NKD1: variants seen among roughly 807,000 people sequenced by gnomAD.
NKD1 encodes the protein protein naked cuticle homolog 1.
NKD1 carries 21 observed loss-of-function variants against 56.0 expected under a neutral mutation model. The observed-to-expected ratio is 0.38, with a 90% CI of 0.27 to 0.54. The LOEUF is 0.54. Among genes scored for constraint, NKD1 ranks in the 20% least tolerant of loss-of-function variants. The probability of loss-of-function intolerance (pLI) is 0.82; values close to 1 mark genes in which losing one functional copy is unlikely to be tolerated. For synonymous variants in NKD1, 263 were observed against 265.7 expected, an observed-to-expected ratio of 0.99 and a Z score of 0.10; for missense variants, 578 against 642.7, an observed-to-expected ratio of 0.90 and a Z score of 1.09.
chr16:50,630,105 C>T (rs1176349435), intron 6 of NKD1, 81 bp from the exon 7 acceptor site: 10 of 1,335,840 alleles, frequency 7.5e-6, no homozygotes, highest in East Asian at 2.3e-5. Context: ...AGGCCTGCAG[C>T]GTCCACCAGG....
In NKD1 at chr16:50,638,717, G is replaced by A. The variant is rs1440255528; in HGVS notation, c.*4936G>A. On this transcript the variant is annotated 3_prime_UTR_variant, in exon 10 of 10. Transcript: ENST00000268459. ...CCCCCAAATGATTTTCCTGATTTAT[G>A]TATTTCCCTACAAAGGGCTTTCTAT... The A allele has an allele frequency of 6.6e-6, 1 of 152,128 alleles. No homozygotes were observed. Among genetic ancestry groups the A allele is most frequent in the Non-Finnish European group, 1.5e-5 (1 of 68,024 alleles). 9.4% of individuals were successfully genotyped at this position (152,128 alleles called of 1,614,324 possible). A position where few individuals can be genotyped will look rare whatever the true frequency, so the allele number is the denominator to read the frequency against.
Position 50,549,475 on chromosome 16 carries a change from A to C in NKD1, c.112A>C (p.Ile38Leu). ...AWARKGIEEW[I>L]GRQRCPGGVS... is the part of the protein sequence containing the mutation. ...GGCTCGGAAGGGCATCGAGGAGTGGATCGGGAGACAGCGCTGCCCGGGCGG... is the reference window on the plus strand; with the variant it reads ...GGCTCGGAAGGGCATCGAGGAGTGGCTCGGGAGACAGCGCTGCCCGGGCGG... The change falls in exon 3 of 10, where the codon ATC (isoleucine) becomes CTC (leucine). Residue 38 changes from isoleucine (I) to leucine (L), a missense_variant. Coordinates refer to ENST00000268459, the MANE Select transcript of NKD1 (RefSeq NM_033119.5). 6.2e-7 allele frequency: 1 copy of C among 1,610,550 alleles called. No homozygotes were observed. The highest frequency in any genetic ancestry group is 8.5e-7 in the Non-Finnish European group (1 of 1,178,646).
At chr16:50,568,524 A>G (rs896617770) in intron 3 of NKD1, among the ~76,000 whole-genome samples, 2 of 152,196 alleles carry the variant, frequency 1.3e-5, no homozygotes, top group Non-Finnish European at 2.9e-5. Flanking sequence ...TTCCTCATTT[A>G]TTCAGTCCAT....
At chr16:50,599,800 A>G (rs1961554028) in intron 3 of NKD1, among the ~76,000 whole-genome samples, 2 of 152,120 alleles carry the variant, frequency 1.3e-5, no homozygotes, top group Admixed American at 6.5e-5. Context: ...TTGGCCCTAC[A>G]TTGGTTCATC....
intron 3 of NKD1, among the ~76,000 whole-genome samples, chr16:50,549,822 T>C (rs768751841): frequency 9.2e-5 from 14 of 152,138 alleles, no homozygotes; most frequent in Non-Finnish European, 1.3e-4. Context: ...GGGAATCGTG[T>C]CTGTACCGGC....
At chr16:50,580,211 A>G (rs1489754523) in intron 3 of NKD1, among the ~76,000 whole-genome samples, 1 of 152,244 alleles carries the variant, frequency 6.6e-6, no homozygotes, top group East Asian at 1.9e-4. Flanking sequence ...AATGAATTCT[A>G]TTTCTGAAAA....
At position 50,548,510 on chromosome 16, in the gene NKD1, C is replaced by G. The variant is rs1450811671; in HGVS notation, c.-44C>G. ...CAAGGGAGGCGCCAGGCCCGCGGGCCGGGCGCATGGCTTAGGGACGCTCCC... is the reference window on the plus strand; with the variant it reads ...CAAGGGAGGCGCCAGGCCCGCGGGCGGGGCGCATGGCTTAGGGACGCTCCC... On this transcript the variant is annotated 5_prime_UTR_variant, in exon 1 of 10. Transcript: ENST00000268459. 1.8e-5 allele frequency: 25 copies of G among 1,424,888 alleles called. No individual in the cohort carries two copies. The highest frequency in any genetic ancestry group is 2.3e-5 in the Non-Finnish European group (25 of 1,091,712). The allele number at this position is 1,424,888 out of a possible 1,614,324, so 88.3% of individuals were successfully genotyped here. A position where few individuals can be genotyped will look rare whatever the true frequency, so the allele number is the denominator to read the frequency against.
At chr16:50,617,137 C>G (rs1961979106) in intron 4 of NKD1, among the ~76,000 whole-genome samples, 1 of 152,166 alleles carries the variant, frequency 6.6e-6, no homozygotes, top group Admixed American at 6.5e-5. Context: ...GTAAACAGTC[C>G]CGAGTGACTG....
intron 3 of NKD1, among the ~76,000 whole-genome samples, chr16:50,563,565 G>C (rs1960692384): frequency 6.6e-6 from 1 of 151,448 alleles, no homozygotes; most frequent in South Asian, 2.1e-4. Context: ...AGAAGACCCT[G>C]TGTGTCAGGC....
Position 50,647,776 on chromosome 16 carries a change from C to A in NKD1, c.*13995C>A, listed in dbSNP as rs2151284711. 6.6e-6 allele frequency: 1 copy of A among 152,358 alleles called. No individual in the cohort carries two copies. Among genetic ancestry groups the A allele is most frequent in the African/African-American group, 2.4e-5 (1 of 41,578 alleles). 9.4% of individuals were successfully genotyped at this position (152,358 alleles called of 1,614,324 possible). A position where few individuals can be genotyped will look rare whatever the true frequency, so the allele number is the denominator to read the frequency against. On this transcript the variant is annotated 3_prime_UTR_variant, in exon 10 of 10. Transcript: ENST00000268459. ...TCCTACAGGGGATACAAGCCAGGCA[C>A]AGGCAGTGTCTGTTACTTGGGGTTC...
intron 3 of NKD1, among the ~76,000 whole-genome samples, chr16:50,596,134 G>A (rs1410643132): frequency 6.6e-6 from 1 of 152,206 alleles, no homozygotes; most frequent in Non-Finnish European, 1.5e-5. Flanking sequence ...AGCAGGCATG[G>A]GTGTGGCTGT....
At chr16:50,625,842 G>GC (rs1346539144) in intron 6 of NKD1, among the ~76,000 whole-genome samples, 2 of 93,302 alleles carry the variant, frequency 2.1e-5, no homozygotes, top group African/African-American at 3.2e-5. Flanking sequence ...GAAAGAAGTT[G>GC]GGGGGGGCAG....
chr16:50,591,414 C>T (rs544152343), intron 3 of NKD1, among the ~76,000 whole-genome samples: 12 of 152,280 alleles, frequency 7.9e-5, no homozygotes, highest in South Asian at 2.1e-4. Context: ...CTGAGACAGA[C>T]GGTACTGAGG....
intron 3 of NKD1, among the ~76,000 whole-genome samples, chr16:50,578,906 CAAAG>C (rs1467314058): frequency 3.9e-5 from 6 of 152,168 alleles, no homozygotes; most frequent in Non-Finnish European, 7.4e-5. Flanking sequence ...TCTTTAAAAA[CAAAG>C]AAAGAAATAT....
Position 50,649,098 on chromosome 16 carries a change from C to T in NKD1, c.*15317C>T, listed in dbSNP as rs1962732000. The T allele has an allele frequency of 6.6e-6, 1 of 152,200 alleles. No homozygotes were observed. Among genetic ancestry groups the T allele is most frequent in the South Asian group, 2.1e-4 (1 of 4,822 alleles). 9.4% of individuals were successfully genotyped at this position (152,200 alleles called of 1,614,324 possible). On this transcript the variant is annotated 3_prime_UTR_variant, in exon 10 of 10. Coordinates refer to ENST00000268459, the MANE Select transcript of NKD1 (RefSeq NM_033119.5). ...TGATAGCAAACCTGTTGGATTTTCT[C>T]CAGAATCCCTGGGCCACTTTTAGCA... is the stretch of plus-strand genomic sequence containing the variant.
chr16:50,586,780 C>T (rs1489519207), intron 3 of NKD1, among the ~76,000 whole-genome samples: 1 of 152,232 alleles, frequency 6.6e-6, no homozygotes, highest in Non-Finnish European at 1.5e-5. Context: ...GCTTGGATAC[C>T]TCCTGTGACA....
At chr16:50,609,570 A>T (rs1961796115) in intron 4 of NKD1, among the ~76,000 whole-genome samples, 1 of 152,126 alleles carries the variant, frequency 6.6e-6, no homozygotes, top group African/African-American at 2.4e-5. Flanking sequence ...TCTCAAGGGG[A>T]GCATCGGCCA....
At chr16:50,548,681 TGCCGCC>T in intron 1 of NKD1, 30 bp from the exon 2 acceptor site, 4 of 1,460,766 alleles carry the variant, frequency 2.7e-6, no homozygotes, top group Admixed American at 2.6e-5. Flanking sequence ...CCGCCGCGGC[TGCCGCC>T]GCCGCCGCCG....
chr16:50,550,021 C>T (rs905593165), intron 3 of NKD1, among the ~76,000 whole-genome samples: 1 of 152,054 alleles, frequency 6.6e-6, no homozygotes, highest in Admixed American at 6.6e-5. Context: ...GTACAGGAAC[C>T]CCAGTAGAGC....
Sources: gnomAD v4.1 joint callset for allele counts (sites outside exome capture counted in the v4.1 genomes callset) on GRCh38, gnomAD v4.1.1 for gene constraint, MANE v1.5 for transcripts, NCBI Gene and HGNC (gene_info 2026-07-23, HGNC 2026-07-21) for gene names.